The following RPAP2 variants were observed in gnomAD, a reference collection of about 807,000 sequenced individuals.
The protein encoded by RPAP2 is putative RNA polymerase II subunit B1 CTD phosphatase RPAP2.
In RPAP2, 52 loss-of-function variants were observed where a neutral mutation model predicts 73.1. That is an observed-to-expected ratio of 0.71 (90% CI 0.57 to 0.90). RPAP2 has a LOEUF of 0.90. Ranked by LOEUF, RPAP2 falls within the 40% of genes least tolerant of loss-of-function variation. The probability of loss-of-function intolerance (pLI) is 0.00; values close to 1 mark genes in which losing one functional copy is unlikely to be tolerated. For synonymous variants in RPAP2, 225 were observed against 242.1 expected (o/e 0.93, Z 0.65); for missense variants, 598 against 701.8 (o/e 0.85, Z 1.67).
chr1:92,318,013 A>C (rs1652025399), intron 6 of RPAP2, among the ~76,000 whole-genome samples: 1 of 152,136 alleles, frequency 6.6e-6, no homozygotes, highest in Non-Finnish European at 1.5e-5. Flanking sequence ...ATCACTCCTG[A>C]GTCTGCTTTG....
At chr1:92,300,338 G>GA (rs921261436) in intron 2 of RPAP2, 99 bp downstream of exon 2, 19 of 907,434 alleles carry the variant, frequency 2.1e-5, no homozygotes, top group African/African-American at 3.4e-5. Context: ...TTTTTTTAGA[G>GA]AAAATTATCA....
At position 92,380,765 on chromosome 1, in the gene RPAP2, G is replaced by A. The variant is rs201034445; in HGVS notation, c.1730G>A (p.Gly577Asp). Reference protein sequence around the residue: ...ILGIQKHSQEGMVFTRFLDTL... With the variant: ...ILGIQKHSQEDMVFTRFLDTL... ...GGCATTCAGAAACATTCTCAGGAAG[G>A]TATGGTGTTTACACGGTTTCTAGAC... The change falls in exon 12 of 13, where the codon GGT (glycine) becomes GAT (aspartate). Residue 577 changes from glycine (G) to aspartate (D), a missense_variant. Coordinates refer to ENST00000610020, the MANE Select transcript of RPAP2 (RefSeq NM_024813.3). The A allele has an allele frequency of 3.4e-4, 539 of 1,597,600 alleles. 2 individuals are homozygous for A. Among genetic ancestry groups the A allele is most frequent in the Middle Eastern group, 5.0e-4 (3 of 6,014 alleles).
chr1:92,327,526 T>C (rs1652705113), intron 8 of RPAP2, among the ~76,000 whole-genome samples: 1 of 152,240 alleles, frequency 6.6e-6, no homozygotes, highest in Non-Finnish European at 1.5e-5. Flanking sequence ...TTCCACCCTT[T>C]ACCTTAAGTT....
At chr1:92,374,368 A>ATT (rs1655301170) in intron 11 of RPAP2, among the ~76,000 whole-genome samples, 1 of 152,150 alleles carries the variant, frequency 6.6e-6, no homozygotes, top group South Asian at 2.1e-4. Flanking sequence ...AAGTCTGTTC[A>ATT]TTTTTCACTG....
intron 11 of RPAP2, among the ~76,000 whole-genome samples, chr1:92,364,217 A>G (rs1231208830): frequency 6.6e-6 from 1 of 152,156 alleles, no homozygotes; most frequent in Admixed American, 6.5e-5. Flanking sequence ...ATATCTCCAT[A>G]CCACCAGTAG....
At chr1:92,381,717 A>G (rs535744256) in intron 12 of RPAP2, among the ~76,000 whole-genome samples, 1 of 151,326 alleles carries the variant, frequency 6.6e-6, no homozygotes, top group East Asian at 1.9e-4. Flanking sequence ...CTCTAATCCT[A>G]TCTCTTTCCC....
At chr1:92,369,007 T>C (rs912958392) in intron 11 of RPAP2, among the ~76,000 whole-genome samples, 1 of 152,212 alleles carries the variant, frequency 6.6e-6, no homozygotes, top group African/African-American at 2.4e-5. Flanking sequence ...TTTTATCATG[T>C]GAGTTGTTTT....
At position 92,303,979 on chromosome 1, in the gene RPAP2, G is replaced by A; in HGVS notation, c.237G>A (p.Gly79=). The A allele has an allele frequency of 6.3e-7, 1 of 1,597,384 alleles. No homozygotes were observed. The highest frequency in any genetic ancestry group is 2.2e-5 in the East Asian group (1 of 44,516). The change falls in exon 4 of 13, where the codon GGG becomes GGA. Residue 79 remains glycine, a splice_region_variant and synonymous_variant. Transcript: ENST00000610020. ...NITEEFLMEC[G]RFITPAHYSD... is the part of the protein sequence containing the mutation. ...ATAACCCTCTCATTTCATTTTAGGG[G>A]AGGTTCATTACACCTGCTCACTACA...
chr1:92,365,331 A>G (rs1557625960), intron 11 of RPAP2, among the ~76,000 whole-genome samples: 3 of 152,238 alleles, frequency 2.0e-5, no homozygotes, highest in Admixed American at 2.0e-4. Flanking sequence ...TCAGAACTTT[A>G]ACACAGCTTC....
intron 11 of RPAP2, 34 bp downstream of exon 11, chr1:92,345,948 T>C (rs1364080512): frequency 3.5e-6 from 5 of 1,412,952 alleles, no homozygotes; most frequent in Non-Finnish European, 5.0e-6. Flanking sequence ...CTCTAAATAC[T>C]AAATGTGAAG....
intron 8 of RPAP2, among the ~76,000 whole-genome samples, chr1:92,330,573 A>G (rs1652909182): frequency 6.8e-6 from 1 of 147,992 alleles, no homozygotes; most frequent in African/African-American, 2.5e-5. Context: ...TCAGCCTCCC[A>G]AGTAGCTGGG....
chr1:92,343,612 T>C (rs1324760882), intron 10 of RPAP2, among the ~76,000 whole-genome samples: 1 of 152,194 alleles, frequency 6.6e-6, no homozygotes, highest in African/African-American at 2.4e-5. Flanking sequence ...AAGAAAACAT[T>C]ATAATTAATT....
At position 92,306,749 on chromosome 1, in the gene RPAP2, G is replaced by A. The variant is rs1352538533; in HGVS notation, c.400-439G>A. 2.0e-5 allele frequency among the ~76,000 whole-genome samples: 3 copies of A among 152,130 alleles called. 1 individual carries two copies. Among genetic ancestry groups the A allele is most frequent in the African/African-American group, 4.8e-5 (2 of 41,496 alleles). ...AGCTACTCAGGAGGCTGAAACCAGA[G>A]GATTACTTGAGCCCAGGAGTTTGAG... is the stretch of plus-strand genomic sequence containing the variant. On this transcript the variant is annotated intron_variant, in intron 5 of 12. Coordinates refer to ENST00000610020, the MANE Select transcript of RPAP2 (RefSeq NM_024813.3).
chr1:92,332,544 T>A lies in RPAP2; in HGVS notation c.1456-847T>A, dbSNP rs1369809561. 2.0e-5 allele frequency among the ~76,000 whole-genome samples: 3 copies of A among 152,296 alleles called. No individual in the cohort carries two copies. In the East Asian group the frequency reaches 5.8e-4, roughly 29 times the overall value. On this transcript the variant is annotated intron_variant, in intron 8 of 12. Coordinates refer to ENST00000610020, the MANE Select transcript of RPAP2 (RefSeq NM_024813.3). ...TAACTGGAGACTCAGGATGATGTTA[T>A]CTTCCTCTAGAATAGATTTATATTT...
chr1:92,395,478 A>G lies in RPAP2; in HGVS notation c.*8467A>G, dbSNP rs1022028313. ...GAGCAAAATGCCATCTCCACAAAAA[A>G]TACAAAAATTAACCAGGCATGGTGG... On this transcript the variant is annotated 3_prime_UTR_variant, in exon 13 of 13. Transcript: ENST00000610020. The G allele has an allele frequency of 6.6e-6, 1 of 151,950 alleles. No individual in the cohort carries two copies. The highest frequency in any genetic ancestry group is 2.4e-5 in the African/African-American group (1 of 41,374). 9.4% of individuals were successfully genotyped at this position (151,950 alleles called of 1,614,324 possible). A position where few individuals can be genotyped will look rare whatever the true frequency, so the allele number is the denominator to read the frequency against.
At chr1:92,360,372 T>C (rs1293325701) in intron 11 of RPAP2, among the ~76,000 whole-genome samples, 1 of 152,324 alleles carries the variant, frequency 6.6e-6, no homozygotes, top group East Asian at 1.9e-4. Flanking sequence ...TGCTATAGTA[T>C]TACATATGGT....
chr1:92,321,776 C>G (rs1443720858), intron 7 of RPAP2, among the ~76,000 whole-genome samples: 1 of 151,970 alleles, frequency 6.6e-6, no homozygotes, highest in Non-Finnish European at 1.5e-5. Context: ...CTAACTTGTT[C>G]TGCTATGACT....
At chr1:92,324,409 G>C in intron 8 of RPAP2, 34 bp downstream of exon 8, 1 of 1,494,082 alleles carries the variant, frequency 6.7e-7, no homozygotes, top group Non-Finnish European at 9.2e-7. Context: ...TTTCCAGATC[G>C]TTAACATTTG....
intron 11 of RPAP2, among the ~76,000 whole-genome samples, chr1:92,369,563 C>T (rs1010319802): frequency 5.3e-5 from 8 of 152,152 alleles, no homozygotes; most frequent in African/African-American, 1.9e-4. Context: ...CCTCAGCCTT[C>T]CAATGCACTG....
Sources: gnomAD v4.1 joint callset for allele counts (sites outside exome capture counted in the v4.1 genomes callset) on GRCh38, gnomAD v4.1.1 for gene constraint, MANE v1.5 for transcripts, NCBI Gene and HGNC (gene_info 2026-07-23, HGNC 2026-07-21) for gene names.